The following LPAR1 variants were observed in gnomAD, a reference collection of about 807,000 sequenced individuals.
The protein encoded by LPAR1 is LPA receptor 1.
A neutral mutation model predicts 23.8 loss-of-function variants in LPAR1; 5 were observed. The ratio of observed to expected loss-of-function variants is 0.21; its 90% confidence interval spans 0.11 to 0.44. LPAR1 has a LOEUF of 0.44. LPAR1 is among the 20% of genes least tolerant of loss of function. LPAR1 has a pLI of 0.99. For missense variants in LPAR1, 311 were observed against 482.8 expected (o/e 0.64, Z 3.33); for synonymous variants, 160 against 164.7 (o/e 0.97, Z 0.22).
At chr9:110,969,346 G>A (rs570413427) in intron 4 of LPAR1, among the ~76,000 whole-genome samples, 10 of 152,116 alleles carry the variant, frequency 6.6e-5, no homozygotes, top group East Asian at 1.9e-4. Flanking sequence ...ACTATTTTGC[G>A]TCTTGCTTTC....
chr9:110,982,463 C>G (rs941443473), intron 2 of LPAR1, among the ~76,000 whole-genome samples: 2 of 151,932 alleles, frequency 1.3e-5, no homozygotes, highest in African/African-American at 4.8e-5. Flanking sequence ...ACATCACACA[C>G]TGGGGCCTGT....
chr9:110,878,774 G>A (rs139526387), intron 5 of LPAR1, among the ~76,000 whole-genome samples: 19 of 152,306 alleles, frequency 1.2e-4, no homozygotes, highest in Middle Eastern at 3.4e-3. Context: ...GCGTTGCAGA[G>A]CCCTAGGATA....
At chr9:110,996,138 GA>G (rs2096997656) in intron 2 of LPAR1, among the ~76,000 whole-genome samples, 1 of 152,088 alleles carries the variant, frequency 6.6e-6, no homozygotes. Context: ...TACATGTCCA[GA>G]AAAACACAGT....
chr9:110,954,780 A>G (rs150662993), intron 4 of LPAR1, among the ~76,000 whole-genome samples: 1 of 152,360 alleles, frequency 6.6e-6, no homozygotes, highest in Admixed American at 6.5e-5. Flanking sequence ...TAAATGTAGA[A>G]TAAATAATGT....
chr9:110,897,275 T>C (rs1248364813), intron 5 of LPAR1, among the ~76,000 whole-genome samples: 3 of 152,152 alleles, frequency 2.0e-5, no homozygotes, highest in Non-Finnish European at 2.9e-5. Flanking sequence ...CAAATGGGTC[T>C]CATGAGATCT....
intron 4 of LPAR1, among the ~76,000 whole-genome samples, chr9:110,943,079 T>C (rs1261426280): frequency 6.8e-6 from 1 of 148,094 alleles, no homozygotes; most frequent in Admixed American, 6.8e-5. Flanking sequence ...ATATGTTTAT[T>C]TATCTATCAT....
At chr9:111,010,597 A>C (rs1245952672) in intron 2 of LPAR1, among the ~76,000 whole-genome samples, 1 of 152,200 alleles carries the variant, frequency 6.6e-6, no homozygotes, top group African/African-American at 2.4e-5. Context: ...GGAAAAGCCA[A>C]TAATACTTAG....
chr9:110,957,087 G>A (rs781324993), intron 4 of LPAR1, among the ~76,000 whole-genome samples: 5 of 151,994 alleles, frequency 3.3e-5, no homozygotes, highest in Admixed American at 6.6e-5. Context: ...AATATACCAC[G>A]TTGGGCTCAG....
intron 5 of LPAR1, among the ~76,000 whole-genome samples, chr9:110,915,633 G>A (rs1302157137): frequency 2.6e-5 from 4 of 152,064 alleles, no homozygotes; most frequent in African/African-American, 9.7e-5. Flanking sequence ...ATGTGTACAT[G>A]TATATATACA....
Position 111,037,066 on chromosome 9 carries a change from C to A in LPAR1, c.-261-865G>T, listed in dbSNP as rs145096730. On this transcript the variant is annotated intron_variant, in intron 1 of 5. Transcript: ENST00000683809. The stretch of plus-strand genomic sequence containing the variant: ...ACTTCGCATTTTCCAAGTGTACAGT[C>A]TCCCCTTAACCAGAACTGCAGACTC... 1.8e-4 allele frequency among the ~76,000 whole-genome samples: 28 copies of A among 152,324 alleles called. No individual in the cohort carries two copies. In the East Asian group the frequency reaches 5.0e-3, roughly 27 times the overall value.
In LPAR1 at chr9:110,942,271, C is replaced by T; in HGVS notation, c.46-103G>A. The T allele has an allele frequency of 3.0e-6, 3 of 985,052 alleles. No individual in the cohort carries two copies. The East Asian group carries it at 7.7e-5, about 25-fold the overall frequency. The allele number at this position is 985,052 out of a possible 1,614,324, so 61.0% of individuals were successfully genotyped here. A position where few individuals can be genotyped will look rare whatever the true frequency, so the allele number is the denominator to read the frequency against. On this transcript the variant is annotated intron_variant, in intron 4 of 5. Transcript: ENST00000683809. ...TTTTATAGTACATGCAACAGAAAAA[C>T]AAAAGCAAATAATTTGAACATTTGA...
At chr9:110,875,870 T>A (rs1226838848) in intron 5 of LPAR1, 148 bp from the exon 6 acceptor site, 7 of 465,720 alleles carry the variant, frequency 1.5e-5, no homozygotes, top group Non-Finnish European at 2.2e-5. Context: ...GAAATACTCA[T>A]TTCCTGAGAA....
chr9:110,922,201 G>A (rs1255742731), intron 5 of LPAR1, among the ~76,000 whole-genome samples: 1 of 152,156 alleles, frequency 6.6e-6, no homozygotes, highest in African/African-American at 2.4e-5. Flanking sequence ...GAACCTTGGG[G>A]TGCCACAGTG....
intron 5 of LPAR1, among the ~76,000 whole-genome samples, chr9:110,906,695 T>G (rs1156237493): frequency 6.6e-6 from 1 of 152,174 alleles, no homozygotes; most frequent in Non-Finnish European, 1.5e-5. Flanking sequence ...TCAAAATACT[T>G]TTAAAACAGC....
At chr9:110,945,360 A>T (rs1337642769) in intron 4 of LPAR1, 1 of 152,162 alleles carries the variant, frequency 6.6e-6, no homozygotes, top group African/African-American at 2.4e-5. Context: ...TAATCAAAGG[A>T]GGTGGCCACT....
chr9:110,935,725 T>G (rs144080162), intron 5 of LPAR1, among the ~76,000 whole-genome samples: 116 of 152,312 alleles, frequency 7.6e-4, no homozygotes, highest in Non-Finnish European at 1.5e-3. Flanking sequence ...TTATCCCAGA[T>G]TCCCAACAGT....
At chr9:110,925,357 C>A (rs1249472123) in intron 5 of LPAR1, among the ~76,000 whole-genome samples, 1 of 152,022 alleles carries the variant, frequency 6.6e-6, no homozygotes, top group Non-Finnish European at 1.5e-5. Flanking sequence ...TGAAAAACCA[C>A]TTATCATTGC....
chr9:110,972,669 A>T (rs1050505946), intron 3 of LPAR1, among the ~76,000 whole-genome samples: 8 of 152,174 alleles, frequency 5.3e-5, no homozygotes, highest in African/African-American at 1.9e-4. Context: ...ATAGTGGGTC[A>T]GGTGCAGTGG....
intron 2 of LPAR1, among the ~76,000 whole-genome samples, chr9:110,987,759 G>A (rs1368643873): frequency 1.3e-5 from 2 of 151,348 alleles, no homozygotes; most frequent in Non-Finnish European, 2.9e-5. Context: ...CATTTGGTTG[G>A]AAAAAAATAT....
Sources: gnomAD v4.1 joint callset for allele counts (sites outside exome capture counted in the v4.1 genomes callset) on GRCh38, gnomAD v4.1.1 for gene constraint, MANE v1.5 for transcripts, NCBI Gene and HGNC (gene_info 2026-07-23, HGNC 2026-07-21) for gene names.